Variants in OCA2 observed in about 807,000 individuals in gnomAD.
The protein encoded by OCA2 is P protein.
Under a neutral mutation model 100.2 loss-of-function variants are expected in OCA2, and 77 were observed. That is an observed-to-expected ratio of 0.77 (90% confidence interval 0.64 to 0.93). The LOEUF is 0.93. Among genes scored for constraint, OCA2 ranks in the 40% least tolerant of loss-of-function variants. The pLI, the probability that OCA2 is intolerant of heterozygous loss-of-function variation, is 0.00. For missense variants in OCA2, 1,062 were observed against 1,089.1 expected, an observed-to-expected ratio of 0.98 and a Z score of 0.35; for synonymous variants, 432 against 439.2, an observed-to-expected ratio of 0.98 and a Z score of 0.21.
intron 23 of OCA2, among the ~76,000 whole-genome samples, chr15:27,837,987 G>A (rs538404828): frequency 6.6e-5 from 10 of 151,990 alleles, no homozygotes; most frequent in Admixed American, 2.6e-4. Context: ...AACTGACTCC[G>A]GCTGGCCACC....
chr15:27,940,868 G>A (rs1248696814), intron 18 of OCA2, among the ~76,000 whole-genome samples: 3 of 152,190 alleles, frequency 2.0e-5, no homozygotes, highest in Non-Finnish European at 4.4e-5. Context: ...AATGGCCACA[G>A]CACTATTCTC....
chr15:27,970,595 C>T (rs377597061), intron 14 of OCA2, among the ~76,000 whole-genome samples: 33 of 151,652 alleles, frequency 2.2e-4, no homozygotes, highest in African/African-American at 8.0e-4. Flanking sequence ...TCCCAGCATG[C>T]ACAGTATGGC....
rs969152851 is a variant in OCA2, at chr15:27,825,173, C to T, written c.2432+19786G>A. ...GGTGAGTTGACTCTCCAAGGACAGC[C>T]GGCCTCCTCCAGCCACGTGGCCCAC... On this transcript the variant is annotated intron_variant, in intron 23 of 23. Transcript: ENST00000354638. Among the ~76,000 whole-genome samples, 6 of 152,138 alleles carry T rather than the reference C, an allele frequency of 3.9e-5. No homozygotes were observed. The East Asian group carries it at 5.8e-4, about 15-fold the overall frequency.
intron 15 of OCA2, among the ~76,000 whole-genome samples, chr15:27,963,941 A>G (rs1301375553): frequency 6.6e-6 from 1 of 152,168 alleles, no homozygotes; most frequent in African/African-American, 2.4e-5. Context: ...GATAGCCCTT[A>G]AAAGGATAAT....
the OCA2 span, among the ~76,000 whole-genome samples, chr15:27,732,886 G>A: frequency 7.6e-4 from 115 of 152,292 alleles, no homozygotes; most frequent in African/African-American, 2.6e-3. Context: ...TGCCCAACAG[G>A]AAGAACTCAA....
intron 9 of OCA2, among the ~76,000 whole-genome samples, chr15:27,996,731 A>G (rs1430692932): frequency 6.6e-6 from 1 of 152,152 alleles, no homozygotes; most frequent in Non-Finnish European, 1.5e-5. Context: ...CAACCTACCA[A>G]GACTGAATCA....
chr15:28,012,449 T>C (rs991476782), intron 9 of OCA2, among the ~76,000 whole-genome samples: 4 of 152,160 alleles, frequency 2.6e-5, no homozygotes, highest in African/African-American at 7.2e-5. Context: ...GGGACTGCCC[T>C]CCAAGGCCCT....
At chr15:27,853,582 A>G (rs911800757) in intron 21 of OCA2, among the ~76,000 whole-genome samples, 1 of 138,824 alleles carries the variant, frequency 7.2e-6, no homozygotes, top group Non-Finnish European at 1.5e-5. Context: ...ATAATAAAAG[A>G]AAAAAAAAAA....
chr15:27,726,422 A>G, the OCA2 span, among the ~76,000 whole-genome samples: 28 of 152,250 alleles, frequency 1.8e-4, no homozygotes, highest in Non-Finnish European at 3.4e-4. Context: ...TTAAAACTGC[A>G]TGAAAACAGT....
intron 19 of OCA2, among the ~76,000 whole-genome samples, chr15:27,902,354 AATT>A (rs1425413365): frequency 5.3e-5 from 8 of 152,194 alleles, no homozygotes; most frequent in Admixed American, 2.0e-4. Context: ...TTACTCAACA[AATT>A]ATTATGCTTG....
chr15:27,989,640 C>T lies in OCA2; in HGVS notation c.1143G>A (p.Glu381=), dbSNP rs982419331. The stretch of plus-strand genomic sequence containing the variant: ...GGGCCAGCGTCTCAAAATCAATCCA[C>T]TCCACCACATGGGTCAGGCTGGGTC... The part of the protein sequence containing the change: ...GDRPSLTHVV[E]WIDFETLALL... Residue 381 remains glutamate, a synonymous_variant, in exon 11 of 24, where the codon GAG becomes GAA. Transcript: ENST00000354638. 3 of 1,614,056 alleles carry T rather than the reference C, an allele frequency of 1.9e-6. No homozygotes were observed. The highest frequency in any genetic ancestry group is 2.7e-5 in the African/African-American group (2 of 74,926).
At chr15:28,086,856 G>A (rs1312872742) in intron 1 of OCA2, among the ~76,000 whole-genome samples, 1 of 152,130 alleles carries the variant, frequency 6.6e-6, no homozygotes, top group African/African-American at 2.4e-5. Context: ...ATAAGTGGAA[G>A]ATAGAACAAT....
intron 7 of OCA2, among the ~76,000 whole-genome samples, chr15:28,018,171 A>G (rs1450454410): frequency 6.6e-6 from 1 of 152,212 alleles, no homozygotes; most frequent in Non-Finnish European, 1.5e-5. Flanking sequence ...TTTTGAATAA[A>G]GAACTTGCAA....
intron 14 of OCA2, among the ~76,000 whole-genome samples, chr15:27,982,995 C>T (rs2041217448): frequency 6.6e-6 from 1 of 152,042 alleles, no homozygotes; most frequent in South Asian, 2.1e-4. Context: ...TTTGGGAATC[C>T]CATATCTCCA....
chr15:27,902,276 G>T (rs983070625), intron 19 of OCA2, among the ~76,000 whole-genome samples: 1 of 151,384 alleles, frequency 6.6e-6, no homozygotes. Context: ...TACGTGAAAT[G>T]CTTTCTTTTT....
chr15:27,806,155 C>T (rs1270481770), intron 23 of OCA2, among the ~76,000 whole-genome samples: 1 of 152,120 alleles, frequency 6.6e-6, no homozygotes, highest in Non-Finnish European at 1.5e-5. Flanking sequence ...TCTGATGCTC[C>T]GCCCTCCGCG....
At chr15:28,041,106 A>G (rs961654177) in intron 2 of OCA2, among the ~76,000 whole-genome samples, 11 of 152,186 alleles carry the variant, frequency 7.2e-5, no homozygotes, top group African/African-American at 2.7e-4. Flanking sequence ...AAAATCCTCA[A>G]CAAAATACTC....
chr15:27,947,539 A>T (rs2039882941), intron 18 of OCA2, among the ~76,000 whole-genome samples: 1 of 152,070 alleles, frequency 6.6e-6, no homozygotes. Context: ...ACACAGATGC[A>T]CCTGGAAGGT....
chr15:27,886,176 T>A lies in OCA2; in HGVS notation c.2080-14254A>T, dbSNP rs549526937. ...GGGTCCAGCCCCCTGAGGCAGGAAATTATATGTAAATGGCAGCTGCAGCCA... is the reference window on the plus strand; with the variant it reads ...GGGTCCAGCCCCCTGAGGCAGGAAAATATATGTAAATGGCAGCTGCAGCCA... On this transcript the variant is annotated intron_variant, in intron 19 of 23. Transcript: ENST00000354638. Among the ~76,000 whole-genome samples, 5 of 152,222 alleles carry A rather than the reference T, an allele frequency of 3.3e-5. No individual in the cohort carries two copies. In the South Asian group the frequency reaches 1.0e-3, roughly 32 times the overall value.
Sources: gnomAD v4.1 joint callset for allele counts (sites outside exome capture counted in the v4.1 genomes callset) on GRCh38, gnomAD v4.1.1 for gene constraint, MANE v1.5 for transcripts, NCBI Gene and HGNC (gene_info 2026-07-23, HGNC 2026-07-21) for gene names.